The following BACH2 variants were observed in gnomAD, a reference collection of about 807,000 sequenced individuals.
BACH2 encodes BACH transcriptional regulator 2.
A neutral mutation model predicts 61.8 loss-of-function variants in BACH2; 5 were observed. The ratio of observed to expected loss-of-function variants is 0.08; its 90% CI spans 0.04 to 0.17. BACH2 has a LOEUF of 0.17. Ranked by LOEUF, BACH2 falls within the 10% of genes least tolerant of loss-of-function variation. BACH2 has a pLI of 1.00. For synonymous variants in BACH2, 446 were observed against 440.1 expected (o/e 1.01, Z -0.17); for missense variants, 824 against 1,091.1 (o/e 0.76, Z 3.45).
intron 4 of BACH2, among the ~76,000 whole-genome samples, chr6:90,096,556 T>C (rs1182081081): frequency 6.6e-6 from 1 of 152,234 alleles, no homozygotes; most frequent in East Asian, 1.9e-4. Context: ...GAATAGTGCC[T>C]GGCACAAACT....
chr6:90,065,270 CTTTTTTTTT>C lies in BACH2; in HGVS notation c.-13+23682_-13+23690del, dbSNP rs71027920. 7.4e-3 allele frequency among the ~76,000 whole-genome samples: 388 copies of C among 52,668 alleles called. 4 individuals are homozygous for C. Among genetic ancestry groups the C allele is most frequent in the Non-Finnish European group, 0.01 (303 of 29,580 alleles). 34.6% of individuals were successfully genotyped at this position (52,668 alleles called of 152,430 possible). A position where few individuals can be genotyped will look rare whatever the true frequency, so the allele number is the denominator to read the frequency against. ...GCCACCCCACCCCCTGCCGCCCCCA[CTTTTTTTTT>C]TTTTTTTTTTTTTTTTTTTTACCCC... is the stretch of plus-strand genomic sequence containing the variant. On this transcript the variant is annotated intron_variant, in intron 5 of 8. Transcript: ENST00000257749.
intron 6 of BACH2, among the ~76,000 whole-genome samples, chr6:89,984,695 A>G (rs1387277383): frequency 6.6e-6 from 1 of 152,154 alleles, no homozygotes; most frequent in African/African-American, 2.4e-5. Flanking sequence ...GGTGGACTGA[A>G]AAAGTACTGA....
intron 7 of BACH2, among the ~76,000 whole-genome samples, chr6:89,946,370 T>C (rs1773722296): frequency 6.6e-6 from 1 of 152,206 alleles, no homozygotes; most frequent in African/African-American, 2.4e-5. Context: ...TCTAAGTTGC[T>C]GATGAATATG....
In BACH2 at chr6:89,950,804, G is replaced by A. The variant is rs755082331; in HGVS notation, c.1302C>T (p.Ser434=). 1 of 1,614,184 alleles carries A rather than the reference G, an allele frequency of 6.2e-7. No homozygotes were observed. Among genetic ancestry groups the A allele is most frequent in the Non-Finnish European group, 8.5e-7 (1 of 1,180,040 alleles). The change falls in exon 7 of 9, where the codon TCC becomes TCT. Residue 434 remains serine, a synonymous_variant. Transcript: ENST00000257749. This position sits in a 1 kb window ranked among gnomAD's most constrained non-coding sequence, Gnocchi z 5.3. ...TGCTCACTTGGTCACAAGCGCTGGA[G>A]GAGAAGATCACGCTCCTCCGGTCCA... ...GELDRRSVIF[S]SSACDQVSTS...
Position 90,008,361 on chromosome 6 carries a change from T to C in BACH2, c.243+241A>G, listed in dbSNP as rs1777525679. 1 of 569,944 alleles carries C rather than the reference T, an allele frequency of 1.8e-6. No individual in the cohort carries two copies. Among genetic ancestry groups the C allele is most frequent in the Non-Finnish European group, 3.1e-6 (1 of 322,574 alleles). The allele number at this position is 569,944 out of a possible 1,614,324, so 35.3% of individuals were successfully genotyped here. On this transcript the variant is annotated intron_variant, in intron 6 of 8. Transcript: ENST00000257749. The surrounding 1 kb of genome is among the most constrained non-coding windows in gnomAD (Gnocchi z 4.1). ...CCTGAAGGGTAAGTGAACTAGAAAC[T>C]ACAAGTGACTGAGCCACAGGTGAGG...
intron 4 of BACH2, among the ~76,000 whole-genome samples, chr6:90,198,798 G>A (rs1485911344): frequency 6.6e-6 from 1 of 152,156 alleles, no homozygotes; most frequent in African/African-American, 2.4e-5. Flanking sequence ...CTGTGATATG[G>A]TTTGGCTGTG....
intron 4 of BACH2, among the ~76,000 whole-genome samples, chr6:90,101,949 T>C (rs988165188): frequency 6.6e-6 from 1 of 152,238 alleles, no homozygotes; most frequent in Non-Finnish European, 1.5e-5. Flanking sequence ...ATTTCATTTT[T>C]CTTGCTAGGG....
At chr6:90,169,393 T>C (rs543797298) in intron 4 of BACH2, among the ~76,000 whole-genome samples, 1 of 152,212 alleles carries the variant, frequency 6.6e-6, no homozygotes, top group Admixed American at 6.5e-5. Context: ...CCCTCATGAA[T>C]AACGTTCTGC....
At chr6:89,983,455 G>C (rs1339697372) in intron 6 of BACH2, among the ~76,000 whole-genome samples, 1 of 152,158 alleles carries the variant, frequency 6.6e-6, no homozygotes, top group Non-Finnish European at 1.5e-5. Flanking sequence ...GATCACCTGA[G>C]GTCAGGAGTT....
intron 1 of BACH2, among the ~76,000 whole-genome samples, chr6:90,272,194 A>G (rs1384420517): frequency 6.6e-6 from 1 of 151,922 alleles, no homozygotes; most frequent in Non-Finnish European, 1.5e-5. Context: ...TTCCGTGTCA[A>G]ATCTTATGTC....
In BACH2 at chr6:90,117,405, T is replaced by C. The variant is rs189119985; in HGVS notation, c.-161-28296A>G. On this transcript the variant is annotated intron_variant, in intron 4 of 8. Coordinates refer to ENST00000257749, the MANE Select transcript of BACH2 (RefSeq NM_021813.4). ...TTTAGGTGTAAGATTAGAGAGCACTTCTCCTCAGAACCTTTCTGACTCTTC... is the reference window on the plus strand; with the variant it reads ...TTTAGGTGTAAGATTAGAGAGCACTCCTCCTCAGAACCTTTCTGACTCTTC... Among the ~76,000 whole-genome samples the C allele has an allele frequency of 3.3e-5, 5 of 152,140 alleles. No homozygotes were observed. The East Asian group carries it at 7.7e-4, about 23-fold the overall frequency.
At chr6:90,260,882 G>T (rs1771134779) in intron 2 of BACH2, among the ~76,000 whole-genome samples, 2 of 152,172 alleles carry the variant, frequency 1.3e-5, no homozygotes, top group African/African-American at 2.4e-5. Flanking sequence ...AGAAAGGTCT[G>T]CTCAGGCCAA....
At chr6:90,295,592 G>C (rs1435818070) in intron 1 of BACH2, among the ~76,000 whole-genome samples, 4 of 152,130 alleles carry the variant, frequency 2.6e-5, no homozygotes, top group Non-Finnish European at 2.9e-5. Flanking sequence ...GGGGAGGGCA[G>C]TGTCCCCTTC....
intron 5 of BACH2, among the ~76,000 whole-genome samples, chr6:90,076,232 G>T (rs1781464909): frequency 6.6e-6 from 1 of 152,106 alleles, no homozygotes; most frequent in African/African-American, 2.4e-5. Context: ...GGGTGGAAAA[G>T]AAATGCATTA....
intron 3 of BACH2, among the ~76,000 whole-genome samples, chr6:90,247,684 A>T (rs1770682176): frequency 6.6e-6 from 1 of 152,142 alleles, no homozygotes; most frequent in Non-Finnish European, 1.5e-5. Context: ...ATTTCTTCTT[A>T]TTCACCATCA....
At chr6:90,082,180 A>T (rs79506766) in intron 5 of BACH2, among the ~76,000 whole-genome samples, 2,025 of 152,296 alleles carry the variant, frequency 0.013, 39 homozygotes, top group African/African-American at 0.047. Flanking sequence ...ATTTCTGCCA[A>T]ATTGCCTTAT....
intron 2 of BACH2, among the ~76,000 whole-genome samples, chr6:90,261,543 T>A (rs1771157126): frequency 6.6e-6 from 1 of 152,170 alleles, no homozygotes; most frequent in Admixed American, 6.6e-5. Flanking sequence ...GAACCCTTGC[T>A]TGACCCCTCT....
At position 90,296,567 on chromosome 6, in the gene BACH2, G is replaced by C. The variant is rs2127898251; in HGVS notation, c.-533C>G. On this transcript the variant is annotated 5_prime_UTR_variant, in exon 1 of 9. Transcript: ENST00000257749. ...CCCCTCCCGGCAGCCGGCGAGGTGG[G>C]CAGTTCGTGGGTCACCGAAAGCTCG... 6.6e-6 allele frequency: 1 copy of C among 151,846 alleles called. No individual in the cohort carries two copies. Among genetic ancestry groups the C allele is most frequent in the East Asian group, 1.9e-4 (1 of 5,198 alleles). The allele number at this position is 151,846 out of a possible 1,614,324, so 9.4% of individuals were successfully genotyped here. A position where few individuals can be genotyped will look rare whatever the true frequency, so the allele number is the denominator to read the frequency against.
rs540553768 is a variant in BACH2, at chr6:89,929,787, T to C, written c.*2621A>G. On this transcript the variant is annotated 3_prime_UTR_variant, in exon 9 of 9. Coordinates refer to ENST00000257749, the MANE Select transcript of BACH2 (RefSeq NM_021813.4). Reference sequence around the variant, plus strand: ...AGACTACCAGTTGCACATGAGTTGTTACCAGGGTAAACCTCATGCCAAGAA... The same window carrying C: ...AGACTACCAGTTGCACATGAGTTGTCACCAGGGTAAACCTCATGCCAAGAA... 1 of 152,316 alleles carries C rather than the reference T, an allele frequency of 6.6e-6. No individual in the cohort carries two copies. Among genetic ancestry groups the C allele is most frequent in the Admixed American group, 6.5e-5 (1 of 15,272 alleles). The allele number at this position is 152,316 out of a possible 1,614,324, so 9.4% of individuals were successfully genotyped here. A position where few individuals can be genotyped will look rare whatever the true frequency, so the allele number is the denominator to read the frequency against.
Sources: allele counts gnomAD v4.1 joint callset (sites outside exome capture counted in the v4.1 genomes callset), GRCh38; gene constraint gnomAD v4.1.1; non-coding constraint Gnocchi (gnomAD v3.1); transcripts MANE v1.5; gene names NCBI Gene and HGNC (gene_info 2026-07-23, HGNC 2026-07-21).